Variants in PPM1B observed in about 807,000 individuals in gnomAD.
PPM1B encodes protein phosphatase, Mg2+/Mn2+ dependent 1B, also known as protein phosphatase 1B.
A neutral mutation model predicts 43.0 loss-of-function variants in PPM1B; 22 were observed. That is an observed-to-expected ratio of 0.51 (90% CI 0.37 to 0.73). PPM1B has a LOEUF of 0.73. Ranked by LOEUF, PPM1B falls within the 30% of genes least tolerant of loss-of-function variation. The probability of loss-of-function intolerance (pLI) is 0.00; values close to 1 mark genes in which losing one functional copy is unlikely to be tolerated. For missense variants in PPM1B, 632 were observed against 584.2 expected, an observed-to-expected ratio of 1.08 and a Z score of -0.84; for synonymous variants, 217 against 197.9, an observed-to-expected ratio of 1.10 and a Z score of -0.81.
chr2:44,227,683 C>A (rs1047488294), intron 5 of PPM1B, among the ~76,000 whole-genome samples: 15 of 151,528 alleles, frequency 9.9e-5, no homozygotes, highest in African/African-American at 3.6e-4. Flanking sequence ...CCATACCTGG[C>A]TAATTTTTGT....
chr2:44,230,904 T>G lies in PPM1B; in HGVS notation c.*186T>G, dbSNP rs775239749. ...ATGAGATAGTGTAAAATTGACTATTTATAGTACTATGGATTTAATGAAATT... is the reference window on the plus strand; with the variant it reads ...ATGAGATAGTGTAAAATTGACTATTGATAGTACTATGGATTTAATGAAATT... On this transcript the variant is annotated 3_prime_UTR_variant, in exon 6 of 6. Transcript: ENST00000282412. 39 of 1,304,314 alleles carry G rather than the reference T, an allele frequency of 3.0e-5. No homozygotes were observed. The highest frequency in any genetic ancestry group is 3.8e-5 in the Non-Finnish European group (38 of 1,010,264). 80.8% of individuals were successfully genotyped at this position (1,304,314 alleles called of 1,614,324 possible).
At chr2:44,182,216 A>T (rs1006539280) in intron 1 of PPM1B, among the ~76,000 whole-genome samples, 2 of 152,142 alleles carry the variant, frequency 1.3e-5, no homozygotes, top group Non-Finnish European at 2.9e-5. Flanking sequence ...ACGATACTCC[A>T]GACATATGGG....
intron 3 of PPM1B, among the ~76,000 whole-genome samples, chr2:44,214,751 C>A (rs954178374): frequency 1.3e-5 from 2 of 152,184 alleles, no homozygotes; most frequent in Admixed American, 1.3e-4. Flanking sequence ...GAGCAGGATT[C>A]TCATTCAGCC....
intron 3 of PPM1B, among the ~76,000 whole-genome samples, chr2:44,212,731 C>G (rs1223828098): frequency 6.6e-6 from 1 of 152,056 alleles, no homozygotes; most frequent in Admixed American, 6.6e-5. Flanking sequence ...GTTTAGTAGG[C>G]CAGTCATGGT....
At chr2:44,177,763 T>C (rs13008237) in intron 1 of PPM1B, among the ~76,000 whole-genome samples, 120,032 of 151,552 alleles carry the variant, frequency 0.79, 47,659 homozygotes, top group South Asian at 0.9. Flanking sequence ...TTTTAAGAGG[T>C]GTATGTACAT....
intron 1 of PPM1B, among the ~76,000 whole-genome samples, chr2:44,174,509 T>C (rs939781101): frequency 1.3e-5 from 2 of 152,262 alleles, no homozygotes; most frequent in African/African-American, 4.8e-5. Context: ...ATTTGTGTGC[T>C]AGAAATAGGA....
chr2:44,229,011 T>G (rs996806830), intron 5 of PPM1B, among the ~76,000 whole-genome samples: 1 of 151,986 alleles, frequency 6.6e-6, no homozygotes, highest in Non-Finnish European at 1.5e-5. Flanking sequence ...GGAGAAACCC[T>G]GTCTCTACTA....
intron 2 of PPM1B, among the ~76,000 whole-genome samples, chr2:44,202,974 G>C (rs1356347315): frequency 6.6e-6 from 1 of 152,080 alleles, no homozygotes. Flanking sequence ...CTGACCTTTA[G>C]TTACATGAAA....
intron 1 of PPM1B, among the ~76,000 whole-genome samples, chr2:44,194,864 T>G (rs1288767997): frequency 6.6e-6 from 1 of 152,048 alleles, no homozygotes; most frequent in African/African-American, 2.4e-5. Flanking sequence ...GTCTCTATAG[T>G]TCACTCTTTG....
intron 1 of PPM1B, among the ~76,000 whole-genome samples, chr2:44,181,461 A>C (rs1251164562): frequency 6.6e-6 from 1 of 152,182 alleles, no homozygotes; most frequent in African/African-American, 2.4e-5. Flanking sequence ...GCTCATGATA[A>C]TCTGTAGGTG....
intron 3 of PPM1B, among the ~76,000 whole-genome samples, chr2:44,210,257 C>G (rs930308655): frequency 6.8e-6 from 1 of 148,010 alleles, no homozygotes; most frequent in South Asian, 2.1e-4. Context: ...TGCTCTGTTG[C>G]CTAGGCTGGA....
intron 2 of PPM1B, among the ~76,000 whole-genome samples, chr2:44,202,448 T>G (rs192503467): frequency 2.6e-5 from 4 of 152,342 alleles, no homozygotes; most frequent in African/African-American, 9.6e-5. Flanking sequence ...TATTGGAAGA[T>G]GTACTAGATG....
intron 1 of PPM1B, among the ~76,000 whole-genome samples, chr2:44,172,490 A>G (rs1667395264): frequency 6.6e-6 from 1 of 152,250 alleles, no homozygotes; most frequent in African/African-American, 2.4e-5. Context: ...AGGTGAAGAA[A>G]AAGGTACATG....
intron 1 of PPM1B, among the ~76,000 whole-genome samples, chr2:44,192,918 A>G (rs191826078): frequency 1.3e-5 from 2 of 152,304 alleles, no homozygotes; most frequent in East Asian, 3.9e-4. Flanking sequence ...TTAAGGCTGA[A>G]CAGTATTCCA....
intron 5 of PPM1B, among the ~76,000 whole-genome samples, chr2:44,240,985 T>C (rs969962143): frequency 3.5e-5 from 5 of 142,064 alleles, no homozygotes; most frequent in Admixed American, 3.5e-4. Context: ...TTCTTTGAAA[T>C]TGGGAAGCAT....
intron 1 of PPM1B, among the ~76,000 whole-genome samples, chr2:44,179,238 A>G (rs1186347963): frequency 6.6e-6 from 1 of 152,244 alleles, no homozygotes; most frequent in East Asian, 1.9e-4. Context: ...CTGGCCACAT[A>G]GAACTGAAAG....
At chr2:44,177,043 G>T (rs1052328919) in intron 1 of PPM1B, among the ~76,000 whole-genome samples, 9 of 152,142 alleles carry the variant, frequency 5.9e-5, no homozygotes, top group African/African-American at 2.2e-4. Context: ...GCCTTCCAAA[G>T]TGCTGGGATT....
intron 1 of PPM1B, among the ~76,000 whole-genome samples, chr2:44,199,071 A>C (rs558310361): frequency 5.3e-5 from 8 of 152,170 alleles, no homozygotes; most frequent in Admixed American, 3.9e-4. Flanking sequence ...AATCTGGCCA[A>C]CATAGTGAAA....
intron 1 of PPM1B, among the ~76,000 whole-genome samples, chr2:44,170,436 T>TTTC (rs1414802811): frequency 2.0e-5 from 3 of 152,244 alleles, no homozygotes; most frequent in Non-Finnish European, 4.4e-5. Context: ...ACATTCTTTT[T>TTTC]CTGTTAACAA....
Sources: gnomAD v4.1 joint callset for allele counts (sites outside exome capture counted in the v4.1 genomes callset) on GRCh38, gnomAD v4.1.1 for gene constraint, MANE v1.5 for transcripts, NCBI Gene and HGNC (gene_info 2026-07-23, HGNC 2026-07-21) for gene names.